HECW2: variants seen among roughly 807,000 people sequenced by gnomAD.
HECW2 encodes E3 ubiquitin-protein ligase HECW2.
In HECW2, 61 loss-of-function variants were observed where a neutral mutation model predicts 175.2. The observed-to-expected ratio is 0.35, with a 90% CI of 0.28 to 0.43. The LOEUF is 0.43. Ranked by LOEUF, HECW2 falls within the 20% of genes least tolerant of loss-of-function variation. The pLI is 1.00. For synonymous variants in HECW2, 671 were observed against 731.0 expected, an observed-to-expected ratio of 0.92 and a Z score of 1.32; for missense variants, 1,524 against 2,000.5, an observed-to-expected ratio of 0.76 and a Z score of 4.54.
chr2:196,428,744 T>C (rs1216591937), intron 2 of HECW2, among the ~76,000 whole-genome samples: 1 of 152,178 alleles, frequency 6.6e-6, no homozygotes, highest in Non-Finnish European at 1.5e-5. Flanking sequence ...CTTAACACTC[T>C]CCACGAAGTA....
chr2:196,275,596 A>C (rs1689920731), intron 15 of HECW2, among the ~76,000 whole-genome samples: 1 of 152,300 alleles, frequency 6.6e-6, no homozygotes, highest in South Asian at 2.1e-4. Context: ...TACTAAAAAT[A>C]CAAAAATTAG....
intron 1 of HECW2, among the ~76,000 whole-genome samples, chr2:196,459,773 G>C (rs747415229): frequency 6.6e-6 from 1 of 152,140 alleles, no homozygotes; most frequent in Non-Finnish European, 1.5e-5. Context: ...GCCAGTCCAC[G>C]GAGGATGTGC....
intron 1 of HECW2, among the ~76,000 whole-genome samples, chr2:196,543,859 G>A (rs944203400): frequency 5.3e-5 from 8 of 152,068 alleles, no homozygotes; most frequent in Non-Finnish European, 1.0e-4. Context: ...TGATCTGCCC[G>A]CCTCGGCCTC....
intron 1 of HECW2, among the ~76,000 whole-genome samples, chr2:196,547,448 C>A (rs1485664578): frequency 1.3e-5 from 2 of 152,202 alleles, no homozygotes; most frequent in Non-Finnish European, 2.9e-5. Flanking sequence ...CCTAAAAGGG[C>A]AAAGTCATAG....
At chr2:196,259,720 G>A (rs1169997214) in intron 17 of HECW2, among the ~76,000 whole-genome samples, 3 of 152,168 alleles carry the variant, frequency 2.0e-5, no homozygotes, top group East Asian at 1.9e-4. Flanking sequence ...TCTGAAACAC[G>A]TGATGGAAAC....
chr2:196,274,411 C>T (rs987329176), intron 15 of HECW2, among the ~76,000 whole-genome samples: 1 of 152,206 alleles, frequency 6.6e-6, no homozygotes, highest in Non-Finnish European at 1.5e-5. Context: ...ATTACTGAGG[C>T]TGCAGCAGCT....
intron 27 of HECW2, 35 bp from the exon 28 acceptor site, chr2:196,216,012 G>A (rs373188703): frequency 6.9e-6 from 10 of 1,458,190 alleles, no homozygotes; most frequent in South Asian, 1.1e-5. Context: ...AGAAGGTGAA[G>A]CCAGAGACCA....
At chr2:196,442,819 A>T (rs187327008) in intron 1 of HECW2, among the ~76,000 whole-genome samples, 5 of 152,260 alleles carry the variant, frequency 3.3e-5, no homozygotes, top group African/African-American at 1.2e-4. Context: ...TTTTCTACAA[A>T]TAAGATATAT....
Position 196,329,553 on chromosome 2 carries a change from T to C in HECW2, c.571+22A>G, listed in dbSNP as rs201693950. On this transcript the variant is annotated intron_variant, in intron 5 of 28. Transcript: ENST00000644978. ...AAACTGTACACTTTCAAACTGGATG[T>C]CACGTTTAAAGACATTCTTACCTGA... 3.8e-6 allele frequency: 6 copies of C among 1,598,190 alleles called. No individual in the cohort carries two copies. The East Asian group carries it at 1.1e-4, about 30-fold the overall frequency.
Position 196,196,661 on chromosome 2 carries a change from T to C in HECW2, c.*4616A>G, listed in dbSNP as rs1044731964. ...AAAATATAAAAAAATTAGCTGGGCA[T>C]GGTGGTGCATGCCTGTAGTCCTAGC... On this transcript the variant is annotated 3_prime_UTR_variant, in exon 29 of 29. Transcript: ENST00000644978. 1.3e-5 allele frequency: 2 copies of C among 152,290 alleles called. No individual in the cohort carries two copies. The highest frequency in any genetic ancestry group is 2.4e-5 in the African/African-American group (1 of 41,378). The allele number at this position is 152,290 out of a possible 1,614,324, so 9.4% of individuals were successfully genotyped here. A position where few individuals can be genotyped will look rare whatever the true frequency, so the allele number is the denominator to read the frequency against.
At chr2:196,252,224 A>G (rs1688885147) in intron 19 of HECW2, among the ~76,000 whole-genome samples, 1 of 149,210 alleles carries the variant, frequency 6.7e-6, no homozygotes, top group African/African-American at 2.5e-5. Flanking sequence ...TAAGGCTTCA[A>G]TGACCAACCA....
intron 1 of HECW2, among the ~76,000 whole-genome samples, chr2:196,463,047 T>C (rs554835875): frequency 6.6e-6 from 1 of 152,278 alleles, no homozygotes; most frequent in African/African-American, 2.4e-5. Context: ...ATTTAACTTG[T>C]AAGTTCTGTA....
intron 1 of HECW2, among the ~76,000 whole-genome samples, chr2:196,444,668 T>C (rs1483258504): frequency 6.6e-6 from 1 of 152,086 alleles, no homozygotes; most frequent in Non-Finnish European, 1.5e-5. Context: ...TAAAAAGCCA[T>C]GATGGAAGTG....
At chr2:196,401,026 G>A (rs1262372860) in intron 2 of HECW2, among the ~76,000 whole-genome samples, 5 of 152,066 alleles carry the variant, frequency 3.3e-5, no homozygotes, top group Non-Finnish European at 5.9e-5. Context: ...ACAGACTTCC[G>A]GAAACTGAAA....
intron 1 of HECW2, among the ~76,000 whole-genome samples, chr2:196,539,507 C>T (rs1689138966): frequency 6.6e-6 from 1 of 152,040 alleles, no homozygotes; most frequent in Non-Finnish European, 1.5e-5. Context: ...TGGTGGCGGG[C>T]ACCTGTGGTA....
intron 2 of HECW2, among the ~76,000 whole-genome samples, chr2:196,402,353 T>A (rs1204185944): frequency 2.0e-5 from 3 of 152,126 alleles, no homozygotes; most frequent in Non-Finnish European, 4.4e-5. Context: ...TCTGGGGGGA[T>A]GGCTTGCAAG....
chr2:196,374,208 C>T, intron 2 of HECW2, among the ~76,000 whole-genome samples: 1 of 151,992 alleles, frequency 6.6e-6, no homozygotes, highest in East Asian at 1.9e-4. Context: ...GTAGCCATCC[C>T]ATGATATTCT....
chr2:196,283,122 C>T (rs958563731), intron 14 of HECW2, among the ~76,000 whole-genome samples: 56 of 151,328 alleles, frequency 3.7e-4, no homozygotes, highest in African/African-American at 1.2e-3. Context: ...GTTAGCTGGG[C>T]GTGGTGGCAG....
Position 196,306,602 on chromosome 2 carries a change from C to T in HECW2, c.2700G>A (p.Arg900=), listed in dbSNP as rs764060138. The T allele has an allele frequency of 3.1e-6, 5 of 1,611,712 alleles. No individual in the cohort carries two copies. In the East Asian group the frequency reaches 8.9e-5, roughly 29 times the overall value. Residue 900 remains arginine, a synonymous_variant, in exon 13 of 29, where the codon CGG becomes CGA. Transcript: ENST00000644978. ...AGGTAGAGTGAGGCAGGATGTTCTC[C>T]CGTCGGAAATCTAGATGGGGCAGAC... is the stretch of plus-strand genomic sequence containing the variant. ...DFHQASADFR[R]ENILPHSTSR...
Sources: allele counts gnomAD v4.1 joint callset (sites outside exome capture counted in the v4.1 genomes callset), GRCh38; gene constraint gnomAD v4.1.1; transcripts MANE v1.5; gene names NCBI Gene and HGNC (gene_info 2026-07-23, HGNC 2026-07-21).